The following SLC38A12 variants were observed in gnomAD, a reference collection of about 807,000 sequenced individuals.
SLC38A12 encodes solute carrier family 38 member 12, also known as putative sodium-coupled neutral amino acid transporter 12.
the SLC38A12 span, chr17:74,838,570 G>A: frequency 8.4e-7 from 1 of 1,196,606 alleles, no homozygotes; most frequent in Non-Finnish European, 1.0e-6. Flanking sequence ...CGGTGGCCGT[G>A]TTCCCTGCCC....
chr17:74,803,972 A>T, the SLC38A12 span, among the ~76,000 whole-genome samples: 7 of 152,148 alleles, frequency 4.6e-5, no homozygotes, highest in African/African-American at 1.4e-4. Flanking sequence ...GAATCTAGCA[A>T]CCTCCCAGTA....
At chr17:74,811,974 A>G in the SLC38A12 span, among the ~76,000 whole-genome samples, 1 of 151,502 alleles carries the variant, frequency 6.6e-6, no homozygotes, top group African/African-American at 2.4e-5. Flanking sequence ...TGAGCCTAGG[A>G]GTTCGGGGCT....
chr17:74,795,734 G>A, the SLC38A12 span: 3 of 891,364 alleles, frequency 3.4e-6, no homozygotes, highest in East Asian at 7.9e-5. Flanking sequence ...CCCCAGAGAG[G>A]AGGATCTACT....
chr17:74,785,623 TC>T, the SLC38A12 span: 2 of 1,610,816 alleles, frequency 1.2e-6, no homozygotes, highest in Admixed American at 3.3e-5. Flanking sequence ...AGCGGGGACT[TC>T]CCCACAGGGG....
chr17:74,839,446 G>T, the SLC38A12 span: 1 of 275,392 alleles, frequency 3.6e-6, no homozygotes, highest in South Asian at 5.8e-5. Context: ...AAGCAAGGGT[G>T]ACCCATGGTT....
chr17:74,785,716 C>T, the SLC38A12 span: 61 of 1,392,190 alleles, frequency 4.4e-5, no homozygotes, highest in Non-Finnish European at 5.6e-5. Flanking sequence ...CTGTCTACCC[C>T]GTATCGAGCT....
chr17:74,812,111 C>G, the SLC38A12 span, among the ~76,000 whole-genome samples: 1 of 147,764 alleles, frequency 6.8e-6, no homozygotes, highest in East Asian at 2.0e-4. Flanking sequence ...GCTGCGTTCC[C>G]CCACCGAGAT....
At chr17:74,819,526 A>T in the SLC38A12 span, among the ~76,000 whole-genome samples, 1 of 152,228 alleles carries the variant, frequency 6.6e-6, no homozygotes, top group South Asian at 2.1e-4. Context: ...TCGGAACAGT[A>T]CATGTGAGCA....
At chr17:74,836,124 G>C in the SLC38A12 span, 1 of 1,613,940 alleles carries the variant, frequency 6.2e-7, no homozygotes, top group Non-Finnish European at 8.5e-7. The surrounding 1 kb of genome is among the most constrained non-coding windows in gnomAD (Gnocchi z 4.2). Flanking sequence ...GGTGTTCCTG[G>C]ACTACGTGCT....
the SLC38A12 span, among the ~76,000 whole-genome samples, chr17:74,779,488 G>A: frequency 2.0e-5 from 3 of 152,228 alleles, no homozygotes; most frequent in African/African-American, 7.2e-5. Context: ...AGGAGGTGTA[G>A]TGGTCAGTGT....
chr17:74,777,135 C>A, the SLC38A12 span: 1 of 656,790 alleles, frequency 1.5e-6, no homozygotes, highest in South Asian at 1.7e-5. Context: ...GGGGGTGAGT[C>A]TTGTGACAGA....
chr17:74,792,925 C>T, the SLC38A12 span, among the ~76,000 whole-genome samples: 6 of 152,350 alleles, frequency 3.9e-5, no homozygotes, highest in African/African-American at 1.2e-4. Flanking sequence ...CTGGCAGCAA[C>T]GCAAAGTCCC....
the SLC38A12 span, among the ~76,000 whole-genome samples, chr17:74,803,525 T>G: frequency 1.3e-5 from 2 of 152,322 alleles, no homozygotes; most frequent in South Asian, 4.1e-4. Context: ...GGGGACCTTC[T>G]GCGCTGAGCT....
chr17:74,816,777 A>C, the SLC38A12 span, among the ~76,000 whole-genome samples: 3 of 151,902 alleles, frequency 2.0e-5, no homozygotes, highest in Non-Finnish European at 4.4e-5. Context: ...GCAGAGACTG[A>C]GTTTGAACTG....
chr17:74,812,890 G>C, the SLC38A12 span, among the ~76,000 whole-genome samples: 3 of 152,172 alleles, frequency 2.0e-5, no homozygotes, highest in Non-Finnish European at 4.4e-5. Context: ...TTGAAACTCC[G>C]GGAGCTGACA....
At chr17:74,802,946 C>G in the SLC38A12 span, among the ~76,000 whole-genome samples, 2 of 152,160 alleles carry the variant, frequency 1.3e-5, no homozygotes, top group Non-Finnish European at 2.9e-5. Flanking sequence ...ACCCCACCCC[C>G]ATTCACCAAT....
the SLC38A12 span, among the ~76,000 whole-genome samples, chr17:74,801,630 C>T: frequency 2.6e-5 from 4 of 152,186 alleles, no homozygotes; most frequent in East Asian, 1.9e-4. Context: ...CAAAAATGTG[C>T]GTGCCCGTAC....
the SLC38A12 span, chr17:74,838,248 C>T: frequency 2.0e-6 from 2 of 985,760 alleles, no homozygotes; most frequent in Non-Finnish European, 2.4e-6. Context: ...ACTTTCCATC[C>T]ACGGGAAAAA....
the SLC38A12 span, chr17:74,819,761 T>C: frequency 6.2e-7 from 1 of 1,614,170 alleles, no homozygotes; most frequent in Admixed American, 1.7e-5. Context: ...CGATCTTCAC[T>C]CTCCTCCTCG....
Sources: allele counts gnomAD v4.1 joint callset (sites outside exome capture counted in the v4.1 genomes callset), GRCh38; gene constraint gnomAD v4.1.1; non-coding constraint Gnocchi (gnomAD v3.1); transcripts MANE v1.5; gene names NCBI Gene and HGNC (gene_info 2026-07-23, HGNC 2026-07-21).